Variants in CACTIN observed in about 807,000 individuals in gnomAD.
CACTIN encodes cactin, spliceosome C complex subunit, also known as splicing factor Cactin.
A neutral mutation model predicts 84.9 loss-of-function variants in CACTIN; 20 were observed. The ratio of observed to expected loss-of-function variants is 0.24; its 90% CI spans 0.17 to 0.34. The LOEUF (loss-of-function observed/expected upper bound fraction) is 0.34. Among genes scored for constraint, CACTIN ranks in the 10% least tolerant of loss-of-function variants. The probability of loss-of-function intolerance (pLI) is 1.00; values close to 1 mark genes in which losing one functional copy is unlikely to be tolerated. For missense variants in CACTIN, 897 were observed against 1,117.2 expected (o/e 0.80, Z 2.81); for synonymous variants, 549 against 467.9 (o/e 1.17, Z -2.24).
chr19:3,626,477 C>G, intron 1 of CACTIN, 119 bp downstream of exon 1: 1 of 1,118,476 alleles, frequency 8.9e-7, no homozygotes, highest in East Asian at 3.2e-5. Context: ...GTCCCCTTCT[C>G]TAGGAAGCCC....
rs531232281 is a variant in CACTIN, at chr19:3,623,676, G to T, written c.642+12C>A. Reference sequence around the variant, plus strand: ...GCTACAGGGACAGAGGCCACCACCCGGCGGGGCCCACCTTATTCCAGATGA... The same window carrying T: ...GCTACAGGGACAGAGGCCACCACCCTGCGGGGCCCACCTTATTCCAGATGA... On this transcript the variant is annotated intron_variant, in intron 2 of 9. Coordinates refer to ENST00000429344, the MANE Select transcript of CACTIN (RefSeq NM_001080543.2). The T allele has an allele frequency of 2.8e-4, 451 of 1,585,778 alleles. No homozygotes were observed. Among genetic ancestry groups the T allele is most frequent in the Non-Finnish European group, 3.6e-4 (415 of 1,163,370 alleles).
intron 9 of CACTIN, 70 bp from the exon 10 acceptor site, chr19:3,612,483 T>C: frequency 1.3e-6 from 2 of 1,483,122 alleles, no homozygotes; most frequent in Non-Finnish European, 1.8e-6. Context: ...CTAGCCTCTC[T>C]GGCAGGGGCG....
In CACTIN at chr19:3,619,065, G is replaced by A. The variant is rs1000090360; in HGVS notation, c.1047+15C>T. 6.4e-7 allele frequency: 1 copy of A among 1,551,758 alleles called. No individual in the cohort carries two copies. The highest frequency in any genetic ancestry group is 1.4e-5 in the African/African-American group (1 of 73,104). On this transcript the variant is annotated intron_variant, in intron 5 of 9. Coordinates refer to ENST00000429344, the MANE Select transcript of CACTIN (RefSeq NM_001080543.2). ...GAGGGTGCAGGTCAGAGGAGCATCG[G>A]GTGGGGCTGGGTACCTGGATATCCT...
intron 4 of CACTIN, among the ~76,000 whole-genome samples, chr19:3,619,793 G>C (rs2033184641): frequency 6.6e-6 from 1 of 152,120 alleles, no homozygotes; most frequent in African/African-American, 2.4e-5. Flanking sequence ...GGCAAGCAGG[G>C]ACACCCCGGA....
rs116098125 is a variant in CACTIN at position 3,625,570 on chromosome 19, A to G, written c.167+1026T>C. Among the ~76,000 whole-genome samples, 285 of 152,324 alleles carry G rather than the reference A, an allele frequency of 1.9e-3. 1 individual carries two copies. The highest frequency in any genetic ancestry group is 6.5e-3 in the African/African-American group (271 of 41,574). On this transcript the variant is annotated intron_variant, in intron 1 of 9. Transcript: ENST00000429344. The stretch of plus-strand genomic sequence containing the variant: ...TATGGAGAAATCCCAGCTCTACGAA[A>G]AAATTCAAAAATTAGCTGGGTGTGG...
In CACTIN at chr19:3,613,476, G is replaced by C; in HGVS notation, c.1466C>G (p.Ser489Cys). The C allele has an allele frequency of 6.3e-7, 1 of 1,580,426 alleles. No homozygotes were observed. The highest frequency in any genetic ancestry group is 8.6e-7 in the Non-Finnish European group (1 of 1,167,736). Reference sequence around the variant, plus strand: ...CGGCCGGGCCTACCTGCGGCTGGGGGACTGGGGCTCCTGCTTGAGGATGGG... The same window carrying C: ...CGGCCGGGCCTACCTGCGGCTGGGGCACTGGGGCTCCTGCTTGAGGATGGG... ...LFPILKQEPQ[S>C]PSRSLEPEDA... is the part of the protein sequence containing the mutation. Residue 489 changes from serine to cysteine, a missense_variant, in exon 8 of 10, where the codon TCC becomes TGC. Around this residue, in one of 8 missense-constraint regions of CACTIN, gnomAD observed 243 missense variants for 239.9 expected, o/e 1.01. Coordinates refer to ENST00000429344, the MANE Select transcript of CACTIN (RefSeq NM_001080543.2).
rs1398201494 is a variant in CACTIN at position 3,613,565 on chromosome 19, G to A, written c.1377C>T (p.Asp459=). Reference sequence around the variant, plus strand: ...GTTTGTACAGCTTCTGCCGCAGCACGTCCTGGTGGCGCTCACGCAGCCTGG... The same window carrying A: ...GTTTGTACAGCTTCTGCCGCAGCACATCCTGGTGGCGCTCACGCAGCCTGG... ...ARARLRERHQ[D]VLRQKLYKLK... is the part of the protein sequence containing the mutation. Residue 459 remains aspartate (D), a synonymous_variant, in exon 8 of 10, where the codon GAC becomes GAT. Coordinates refer to ENST00000429344, the MANE Select transcript of CACTIN (RefSeq NM_001080543.2). 2 of 1,602,066 alleles carry A rather than the reference G, an allele frequency of 1.2e-6. No individual in the cohort carries two copies. Among genetic ancestry groups the A allele is most frequent in the Non-Finnish European group, 1.7e-6 (2 of 1,178,612 alleles).
intron 2 of CACTIN, 46 bp from the exon 3 acceptor site, chr19:3,620,848 C>T (rs747926109): frequency 1.1e-5 from 16 of 1,474,618 alleles, no homozygotes; most frequent in Middle Eastern, 1.7e-4. Context: ...CCCGCCCCCT[C>T]GCCCCCCTCC....
rs1187367354 is a variant in CACTIN at position 3,618,888 on chromosome 19, C to T, written c.1149G>A (p.Ser383=). 20 of 1,552,756 alleles carry T rather than the reference C, an allele frequency of 1.3e-5. No individual in the cohort carries two copies. Among genetic ancestry groups the T allele is most frequent in the South Asian group, 8.3e-5 (7 of 84,140 alleles). The change falls in exon 6 of 10, where the codon TCG becomes TCA. Residue 383 remains serine, a synonymous_variant. Transcript: ENST00000429344. ...EISKLRKLEA[S]GKGPGERREG... The stretch of plus-strand genomic sequence containing the variant: ...GCCCGCCGTTACCTGGCCCCTTGCC[C>T]GAGGCCTCCAGCTTGCGGAGCTTGG...
At chr19:3,621,652 G>A (rs1160774288) in intron 2 of CACTIN, among the ~76,000 whole-genome samples, 1 of 152,172 alleles carries the variant, frequency 6.6e-6, no homozygotes, top group East Asian at 1.9e-4. Flanking sequence ...CCAGCACACC[G>A]CAGGTGCACA....
In CACTIN at chr19:3,615,259, G is replaced by A. The variant is rs913844829; in HGVS notation, c.1163-670C>T. On this transcript the variant is annotated intron_variant, in intron 6 of 9. Transcript: ENST00000429344. The surrounding 1 kb of genome is among the most constrained non-coding windows in gnomAD (Gnocchi z 5.2). ...AGGCTCAAGTCCCTCCTCGATAGACGGGGAGGCTGCTGAGGGCGGGAGTGG... is the reference window on the plus strand; with the variant it reads ...AGGCTCAAGTCCCTCCTCGATAGACAGGGAGGCTGCTGAGGGCGGGAGTGG... The A allele has an allele frequency of 3.2e-5, 5 of 156,850 alleles. No individual in the cohort carries two copies. The highest frequency in any genetic ancestry group is 1.9e-4 in the South Asian group (1 of 5,146). 9.7% of individuals were successfully genotyped at this position (156,850 alleles called of 1,614,324 possible). A position where few individuals can be genotyped will look rare whatever the true frequency, so the allele number is the denominator to read the frequency against.
intron 4 of CACTIN, 61 bp downstream of exon 4, chr19:3,620,066 C>T: frequency 6.3e-7 from 1 of 1,575,182 alleles, no homozygotes; most frequent in Non-Finnish European, 8.6e-7. Flanking sequence ...TCCAGAGTGA[C>T]AGCCAGTGCC....
rs1212815229 is a variant in CACTIN at position 3,620,872 on chromosome 19, C to T, written c.643-70G>A. Reference sequence around the variant, plus strand: ...TCGCCCCCCTCCTCAGCTCCTTCGTCCAAGAGATTGACCAGGGCCCTTGTT... The same window carrying T: ...TCGCCCCCCTCCTCAGCTCCTTCGTTCAAGAGATTGACCAGGGCCCTTGTT... On this transcript the variant is annotated intron_variant, in intron 2 of 9. Transcript: ENST00000429344. The T allele has an allele frequency of 2.4e-6, 3 of 1,229,176 alleles. 1 individual carries two copies. The African/African-American group carries it at 4.4e-5, about 18-fold the overall frequency. 76.1% of individuals were successfully genotyped at this position (1,229,176 alleles called of 1,614,324 possible). A position where few individuals can be genotyped will look rare whatever the true frequency, so the allele number is the denominator to read the frequency against.
At chr19:3,621,861 G>A (rs2033231037) in intron 2 of CACTIN, among the ~76,000 whole-genome samples, 1 of 152,150 alleles carries the variant, frequency 6.6e-6, no homozygotes, top group Admixed American at 6.5e-5. Context: ...GAGGCGGAAG[G>A]AGCTCGTTGT....
chr19:3,622,949 C>T (rs1366542258), intron 2 of CACTIN, among the ~76,000 whole-genome samples: 2 of 152,140 alleles, frequency 1.3e-5, no homozygotes, highest in East Asian at 1.9e-4. Flanking sequence ...AAGAAAATGA[C>T]GGTGGGCTGG....
intron 4 of CACTIN, 90 bp downstream of exon 4, chr19:3,620,037 G>T: frequency 6.7e-7 from 1 of 1,488,758 alleles, no homozygotes. Context: ...GGACCCTGAA[G>T]GGTGGGAGAG....
At position 3,612,349 on chromosome 19, in the gene CACTIN, G is replaced by A. The variant is rs762098165; in HGVS notation, c.1851C>T (p.Asp617=). The change falls in exon 10 of 10, where the codon GAC becomes GAT. Residue 617 remains aspartate, a synonymous_variant. Coordinates refer to ENST00000429344, the MANE Select transcript of CACTIN (RefSeq NM_001080543.2). ...GCATCTCCACGCTGAACTGCGCCTC[G>A]TCCTGGCCCATGCCCTCCTTGGCCC... ...FRRAKEGMGQ[D]EAQFSVEMPL... is the part of the protein sequence containing the mutation. The A allele has an allele frequency of 3.7e-6, 6 of 1,610,750 alleles. No homozygotes were observed. Among genetic ancestry groups the A allele is most frequent in the South Asian group, 1.1e-5 (1 of 91,066 alleles).
intron 9 of CACTIN, chr19:3,612,731 A>AG: frequency 4.3e-6 from 3 of 694,926 alleles, no homozygotes; most frequent in South Asian, 3.0e-5. Flanking sequence ...ATGACCCCCG[A>AG]GGGGGTCCTG....
Position 3,613,162 on chromosome 19 carries a change from G to A in CACTIN, c.1682C>T (p.Pro561Leu), listed in dbSNP as rs1355817175. The A allele has an allele frequency of 6.2e-7, 1 of 1,610,610 alleles. No individual in the cohort carries two copies. The change falls in exon 9 of 10, where the codon CCG becomes CTG. Residue 561 changes from proline (P) to leucine (L), a missense_variant. By Grantham distance (98) the Pro-to-Leu change is moderately conservative. Transcript: ENST00000429344. The part of the protein sequence containing the change: ...LDDYDAGRYS[P>L]RLLTAHELPL... Reference sequence around the variant, plus strand: ...CAGCTCGTGCGCCGTGAGCAGCCGCGGGCTGTACCTGCCGGCGTCGTAGTC... The same window carrying A: ...CAGCTCGTGCGCCGTGAGCAGCCGCAGGCTGTACCTGCCGGCGTCGTAGTC...
Sources: allele counts gnomAD v4.1 joint callset (sites outside exome capture counted in the v4.1 genomes callset), GRCh38; gene constraint gnomAD v4.1.1; regional missense constraint gnomAD v4.1.1; non-coding constraint Gnocchi (gnomAD v3.1); transcripts MANE v1.5; gene names NCBI Gene and HGNC (gene_info 2026-07-23, HGNC 2026-07-21).